Variants in PAK6 observed in about 807,000 individuals in gnomAD.
PAK6 encodes p21 (RAC1) activated kinase 6, also known as serine/threonine-protein kinase PAK 6.
Under a neutral mutation model 60.8 loss-of-function variants are expected in PAK6, and 33 were observed. The ratio of observed to expected loss-of-function variants is 0.54; its 90% CI spans 0.41 to 0.73. The LOEUF is 0.73. PAK6 is among the 30% of genes least tolerant of loss of function. The pLI, the probability that PAK6 is intolerant of heterozygous loss-of-function variation, is 0.00. For synonymous variants in PAK6, 404 were observed against 378.5 expected (o/e 1.07, Z -0.78); for missense variants, 845 against 904.1 (o/e 0.93, Z 0.84).
intron 2 of PAK6, chr15:40,247,044 C>G (rs1467817066): frequency 6.6e-6 from 1 of 152,402 alleles, no homozygotes; most frequent in South Asian, 2.1e-4. Context: ...GGGCCCTCAC[C>G]TAGTCAGGCA....
In PAK6 at chr15:40,275,973, AC is replaced by A. The variant is rs749217887; in HGVS notation, c.1930del (p.Gln644LysfsTer10). On this transcript the variant is annotated frameshift_variant, in exon 11 of 11. Coordinates refer to ENST00000560346, the Ensembl canonical transcript of PAK6. LOFTEE classifies it high-confidence loss of function. ...TTCCTGGAGCGGATGCTGGTGCGGG[AC>A]CCCCAAGAGAGAGCCACAGCCCAGG... 3 of 1,612,326 alleles carry A rather than the reference AC, an allele frequency of 1.9e-6. No individual in the cohort carries two copies. The highest frequency in any genetic ancestry group is 2.5e-6 in the Non-Finnish European group (3 of 1,179,704).
At chr15:40,260,694 G>A (rs575417895) in intron 3 of PAK6, among the ~76,000 whole-genome samples, 3 of 152,104 alleles carry the variant, frequency 2.0e-5, no homozygotes, top group Non-Finnish European at 4.4e-5. Flanking sequence ...CTGGGATTTT[G>A]TTTGAGATTT....
chr15:40,265,860 G>A lies in PAK6; in HGVS notation c.223G>A (p.Ala75Thr), dbSNP rs751201488. The change falls in exon 5 of 11, where the codon GCG becomes ACG. Residue 75 changes from alanine to threonine, a missense_variant. Ala to Thr is a moderately conservative substitution (Grantham distance 58). Coordinates refer to ENST00000560346, the Ensembl canonical transcript of PAK6. Reference sequence around the variant, plus strand: ...CCTACAGACAGTGGTGCGGGGCAGCGCGATGCCTGTGGATGGCTACATCTC... The same window carrying A: ...CCTACAGACAGTGGTGCGGGGCAGCACGATGCCTGTGGATGGCTACATCTC... The A allele has an allele frequency of 1.1e-5, 17 of 1,545,730 alleles. No homozygotes were observed. In the East Asian group the frequency reaches 1.1e-4, roughly 10 times the overall value.
chr15:40,268,075 G>A (rs1355745749), intron 5 of PAK6, among the ~76,000 whole-genome samples: 3 of 152,178 alleles, frequency 2.0e-5, no homozygotes, highest in Non-Finnish European at 4.4e-5. Context: ...CACTGCTGCT[G>A]GGTATGCCGG....
exon 4 of PAK6, chr15:40,264,853 A>C: frequency 6.2e-7 from 1 of 1,613,982 alleles, no homozygotes. Context: ...CACCGTGTCC[A>C]CACCTCCTTC....
In PAK6 at chr15:40,273,561, C is replaced by T. The variant is rs2039370306; in HGVS notation, c.1628C>T (p.Ser543Leu). 4.3e-6 allele frequency: 7 copies of T among 1,613,948 alleles called. No individual in the cohort carries two copies. Among genetic ancestry groups the T allele is most frequent in the Admixed American group, 1.7e-5 (1 of 60,016 alleles). ...CCTTTTCAACCGCAGGTGAAGCTCT[C>T]GGACTTCGGATTCTGTGCTCAGATC... Residue 543 changes from serine to leucine, a missense_variant, in exon 9 of 11, where the codon TCG becomes TTG. Coordinates refer to ENST00000560346, the Ensembl canonical transcript of PAK6.
At chr15:40,268,978 C>T (rs7178233) in intron 5 of PAK6, among the ~76,000 whole-genome samples, 15,713 of 152,186 alleles carry the variant, frequency 0.1, 2,013 homozygotes, top group East Asian at 0.48. Flanking sequence ...TGAGATAGTA[C>T]GTTGAAGGCA....
At chr15:40,268,473 G>A (rs1330452671) in intron 5 of PAK6, among the ~76,000 whole-genome samples, 3 of 152,172 alleles carry the variant, frequency 2.0e-5, no homozygotes, top group Non-Finnish European at 4.4e-5. Context: ...ATAACAGATG[G>A]GGAGCATCAG....
intron 4 of PAK6, 56 bp from the exon 5 acceptor site, chr15:40,265,785 AC>A: frequency 6.8e-7 from 1 of 1,467,014 alleles, no homozygotes. Context: ...TCTCCCAGCC[AC>A]CCCTCCCTGC....
At chr15:40,242,403 G>A (rs752766760) in intron 2 of PAK6, among the ~76,000 whole-genome samples, 3 of 152,218 alleles carry the variant, frequency 2.0e-5, no homozygotes, top group East Asian at 1.9e-4. Flanking sequence ...CGTAAGATGC[G>A]CTCGTCGCCC....
At chr15:40,250,753 T>C (rs8037066) in intron 2 of PAK6, 24,168 of 152,348 alleles carry the variant, frequency 0.16, 2,389 homozygotes, top group Middle Eastern at 0.3. Flanking sequence ...AAGGCATTTG[T>C]AGTCAAAGAA....
chr15:40,247,760 C>T lies in PAK6; in HGVS notation c.-117-5418C>T, dbSNP rs374694141. ...GGCCCTAGACAGTGCTACCCCCTGG[C>T]GCTGGGCTCTCTTTCCGGAACCCGG... On this transcript the variant is annotated intron_variant, in intron 2 of 10. Transcript: ENST00000560346. 2.7e-4 allele frequency among the ~76,000 whole-genome samples: 41 copies of T among 152,274 alleles called. No homozygotes were observed. The East Asian group carries it at 2.7e-3, about 10-fold the overall frequency.
chr15:40,273,945 C>T, intron 9 of PAK6, 197 bp from the exon 10 acceptor site: 1 of 688,520 alleles, frequency 1.5e-6, no homozygotes, highest in Non-Finnish European at 2.5e-6. Context: ...GAGTGACTGA[C>T]AGCTGTGTCC....
intron 4 of PAK6, among the ~76,000 whole-genome samples, 176 bp from the exon 5 acceptor site, chr15:40,265,666 C>CT (rs1325650340): frequency 6.6e-6 from 1 of 152,202 alleles, no homozygotes; most frequent in African/African-American, 2.4e-5. Flanking sequence ...CAGGCGGGAC[C>CT]CACGGTGGGC....
chr15:40,248,348 A>AG (rs1337249012), intron 2 of PAK6, among the ~76,000 whole-genome samples: 1 of 152,126 alleles, frequency 6.6e-6, no homozygotes, highest in Non-Finnish European at 1.5e-5. Context: ...CCTGGAGGAG[A>AG]GGGGGAGGAA....
At chr15:40,258,785 C>T (rs2038906058) in intron 3 of PAK6, 1 of 144,956 alleles carries the variant, frequency 6.9e-6, no homozygotes, top group Non-Finnish European at 1.6e-5. Flanking sequence ...TTGGGCTGGA[C>T]CCTTCCCTCC....
chr15:40,256,623 G>A (rs1000398698), intron 3 of PAK6, among the ~76,000 whole-genome samples: 9 of 152,194 alleles, frequency 5.9e-5, no homozygotes, highest in African/African-American at 1.7e-4. Flanking sequence ...AATAACAGAG[G>A]GTGGTGGTAG....
rs79506437 is a variant in PAK6, at chr15:40,256,181, C to T, written c.-6+2892C>T. The stretch of plus-strand genomic sequence containing the variant: ...TCGAGGCTGCAGTAAGCTCTGATCG[C>T]GCCACTGCATTTCAGCCTGGGCGAC... On this transcript the variant is annotated intron_variant, in intron 3 of 10. Coordinates refer to ENST00000560346, the Ensembl canonical transcript of PAK6. 2.2e-3 allele frequency among the ~76,000 whole-genome samples: 338 copies of T among 152,216 alleles called. 1 individual carries two copies. Among genetic ancestry groups the T allele is most frequent in the African/African-American group, 7.8e-3 (322 of 41,534 alleles).
chr15:40,262,790 T>TCTG (rs2039016950), intron 3 of PAK6, among the ~76,000 whole-genome samples: 1 of 152,240 alleles, frequency 6.6e-6, no homozygotes, highest in African/African-American at 2.4e-5. Context: ...GTATGGGGAC[T>TCTG]CTGCTTACTT....
Sources: allele counts gnomAD v4.1 joint callset (sites outside exome capture counted in the v4.1 genomes callset), GRCh38; gene constraint gnomAD v4.1.1; transcripts MANE v1.5; gene names NCBI Gene and HGNC (gene_info 2026-07-23, HGNC 2026-07-21).